The following PDE4D variants were observed in gnomAD, a reference collection of about 807,000 sequenced individuals.
PDE4D encodes phosphodiesterase 4D.
A neutral mutation model predicts 87.4 loss-of-function variants in PDE4D; 24 were observed. The observed-to-expected ratio is 0.27, with a 90% CI of 0.20 to 0.39. The LOEUF (loss-of-function observed/expected upper bound fraction) is 0.39, where lower values mean the gene tolerates loss of function less well. Among genes scored for constraint, PDE4D ranks in the 10% least tolerant of loss-of-function variants. The pLI, the probability that PDE4D is intolerant of heterozygous loss-of-function variation, is 1.00. For missense variants in PDE4D, 714 were observed against 1,041.0 expected (o/e 0.69, Z 4.32); for synonymous variants, 384 against 383.2 (o/e 1.00, Z -0.02).
chr5:59,608,317 C>A (rs776077558), intron 1 of PDE4D, among the ~76,000 whole-genome samples: 6 of 152,084 alleles, frequency 3.9e-5, no homozygotes, highest in Non-Finnish European at 8.8e-5. Flanking sequence ...GCTCACACAG[C>A]GCATGCTTCT....
At chr5:60,126,415 T>C (rs1779128025) in intron 2 of PDE4D, among the ~76,000 whole-genome samples, 1 of 152,218 alleles carries the variant, frequency 6.6e-6, no homozygotes, top group South Asian at 2.1e-4. Flanking sequence ...TTTTATTACA[T>C]AGATTTTTTA....
chr5:59,346,131 T>C (rs1228704610), intron 1 of PDE4D, among the ~76,000 whole-genome samples: 2 of 152,218 alleles, frequency 1.3e-5, no homozygotes, highest in Non-Finnish European at 2.9e-5. Flanking sequence ...TTCATTCATA[T>C]AAAATTCAAA....
intron 1 of PDE4D, among the ~76,000 whole-genome samples, chr5:59,708,776 T>A (rs1753798615): frequency 6.6e-6 from 1 of 152,168 alleles, no homozygotes; most frequent in South Asian, 2.1e-4. Context: ...TGAACATAAA[T>A]TATTAATTTT....
chr5:59,140,928 A>G (rs1278666037), intron 5 of PDE4D, among the ~76,000 whole-genome samples: 4 of 152,332 alleles, frequency 2.6e-5, no homozygotes, highest in Middle Eastern at 3.4e-3. Context: ...GTATTCCTTT[A>G]AAGATAAAAA....
intron 1 of PDE4D, among the ~76,000 whole-genome samples, chr5:59,517,696 G>A (rs1240814637): frequency 2.0e-5 from 3 of 152,208 alleles, no homozygotes; most frequent in African/African-American, 7.2e-5. Flanking sequence ...GGTTGTAGCA[G>A]TTACATGAGT....
intron 1 of PDE4D, among the ~76,000 whole-genome samples, chr5:60,290,400 A>G (rs950398243): frequency 7.9e-5 from 12 of 152,118 alleles, no homozygotes; most frequent in Non-Finnish European, 1.8e-4. Flanking sequence ...AAGAACTGAC[A>G]CATCTAATAA....
At chr5:60,303,989 A>G (rs1180059413) in intron 1 of PDE4D, 1 of 152,170 alleles carries the variant, frequency 6.6e-6, no homozygotes, top group Non-Finnish European at 1.5e-5. Flanking sequence ...ATTGGGGTGC[A>G]TATATATTTA....
intron 3 of PDE4D, among the ~76,000 whole-genome samples, chr5:59,917,132 C>T (rs533247902): frequency 2.0e-4 from 30 of 151,466 alleles, no homozygotes; most frequent in Middle Eastern, 3.4e-3. Flanking sequence ...TTTCATTACA[C>T]GGCTGGAGGT....
At chr5:59,292,374 T>C (rs1768204937) in intron 1 of PDE4D, among the ~76,000 whole-genome samples, 1 of 152,208 alleles carries the variant, frequency 6.6e-6, no homozygotes, top group African/African-American at 2.4e-5. Context: ...TAAGCAAAGA[T>C]GTTTTAATAC....
chr5:59,076,441 G>A (rs549948609), intron 5 of PDE4D, among the ~76,000 whole-genome samples: 1 of 152,190 alleles, frequency 6.6e-6, no homozygotes, highest in Admixed American at 6.5e-5. Flanking sequence ...AGTCTTCAGT[G>A]ACAAAGAGAG....
upstream of PDE4D, among the ~76,000 whole-genome samples, chr5:60,488,799 G>A (rs1475070009): frequency 6.6e-6 from 1 of 152,122 alleles, no homozygotes; most frequent in Non-Finnish European, 1.5e-5. Context: ...TATGTTCAGA[G>A]AGAAAATTGA....
intron 1 of PDE4D, among the ~76,000 whole-genome samples, chr5:60,345,634 A>T (rs1212076320): frequency 6.6e-6 from 1 of 151,814 alleles, no homozygotes; most frequent in Non-Finnish European, 1.5e-5. Flanking sequence ...TCTTACTTAT[A>T]TTTGTTAAAT....
intron 2 of PDE4D, among the ~76,000 whole-genome samples, chr5:60,091,298 T>C (rs1480575261): frequency 6.6e-6 from 1 of 152,004 alleles, no homozygotes; most frequent in Non-Finnish European, 1.5e-5. Flanking sequence ...AAAAAGTACA[T>C]AATCCCATTG....
At chr5:59,448,671 T>G (rs1031571923) in intron 1 of PDE4D, among the ~76,000 whole-genome samples, 3 of 151,854 alleles carry the variant, frequency 2.0e-5, no homozygotes, top group Non-Finnish European at 2.9e-5. Flanking sequence ...GCGGGGGAGG[T>G]GGAAGGACAT....
intron 1 of PDE4D, among the ~76,000 whole-genome samples, chr5:59,808,746 T>G (rs1768014446): frequency 3.9e-5 from 6 of 152,192 alleles, no homozygotes; most frequent in Admixed American, 3.9e-4. Flanking sequence ...CAAAGACTGA[T>G]TATGAATATA....
intron 1 of PDE4D, among the ~76,000 whole-genome samples, chr5:59,448,321 T>C (rs1798639410): frequency 6.6e-6 from 1 of 152,170 alleles, no homozygotes; most frequent in African/African-American, 2.4e-5. Flanking sequence ...TTTGCCTATT[T>C]CCCTTCTCCA....
At chr5:59,185,393 C>T (rs1742667325) in intron 3 of PDE4D, 131 bp from the exon 4 acceptor site, 8 of 629,210 alleles carry the variant, frequency 1.3e-5, no homozygotes, top group Non-Finnish European at 1.7e-5. Context: ...AATCTCCCAA[C>T]ACTTAGTGCA....
intron 1 of PDE4D, chr5:59,586,358 A>G: frequency 6.2e-7 from 1 of 1,613,074 alleles, no homozygotes; most frequent in Non-Finnish European, 8.5e-7. Flanking sequence ...TAAAGGGAAA[A>G]TTATTCACGT....
At chr5:59,406,112 T>G (rs1791561065) in intron 1 of PDE4D, among the ~76,000 whole-genome samples, 1 of 152,154 alleles carries the variant, frequency 6.6e-6, no homozygotes, top group South Asian at 2.1e-4. Context: ...TTGATATTAC[T>G]TCTTTAAATG....
Sources: allele counts gnomAD v4.1 joint callset (sites outside exome capture counted in the v4.1 genomes callset), GRCh38; gene constraint gnomAD v4.1.1; transcripts MANE v1.5; gene names NCBI Gene and HGNC (gene_info 2026-07-23, HGNC 2026-07-21).